TMEM230: variants seen among roughly 807,000 people sequenced by gnomAD.
TMEM230 encodes transmembrane protein 230, also known as UPF0414 transmembrane protein C20orf30.
A neutral mutation model predicts 15.8 loss-of-function variants in TMEM230; 10 were observed. The ratio of observed to expected loss-of-function variants is 0.63; its 90% CI spans 0.39 to 1.07. The LOEUF (loss-of-function observed/expected upper bound fraction) is 1.07, where lower values mean the gene tolerates loss of function less well. Among genes scored for constraint, TMEM230 ranks in the 50% least tolerant of loss-of-function variants. The pLI is 0.01. For synonymous variants in TMEM230, 67 were observed against 76.9 expected, an observed-to-expected ratio of 0.87 and a Z score of 0.68; for missense variants, 165 against 193.3, an observed-to-expected ratio of 0.85 and a Z score of 0.87.
intron 3 of TMEM230, among the ~76,000 whole-genome samples, chr20:5,084,577 C>G (rs1318035851): frequency 6.6e-6 from 1 of 151,982 alleles, no homozygotes; most frequent in Non-Finnish European, 1.5e-5. Context: ...CTCTGTTGCC[C>G]AGGCTGGAGT....
intron 4 of TMEM230, among the ~76,000 whole-genome samples, chr20:5,102,769 T>C (rs1215863978): frequency 6.6e-6 from 1 of 150,706 alleles, no homozygotes; most frequent in Admixed American, 6.6e-5. Flanking sequence ...TCCAAACTGA[T>C]TCTACTAGGC....
downstream of TMEM230, among the ~76,000 whole-genome samples, chr20:5,098,948 C>G (rs2089746736): frequency 6.6e-6 from 1 of 152,050 alleles, no homozygotes; most frequent in Non-Finnish European, 1.5e-5. Context: ...TGAATGTACA[C>G]TCTCCACTCC....
At chr20:5,080,822 G>A (rs963731582) in intron 3 of TMEM230, among the ~76,000 whole-genome samples, 2 of 152,170 alleles carry the variant, frequency 1.3e-5, no homozygotes, top group African/African-American at 4.8e-5. Context: ...TTGTAGGCAT[G>A]AGCCACTGCA....
chr20:5,112,609 C>T, intron 1 of TMEM230: 1 of 1,051,730 alleles, frequency 9.5e-7, no homozygotes. Flanking sequence ...TCGTTGCCAA[C>T]AGGCTTTTTA....
chr20:5,097,970 T>TC (rs1491263467), downstream of TMEM230, among the ~76,000 whole-genome samples: 5 of 15,910 alleles, frequency 3.1e-4, no homozygotes, highest in African/African-American at 1.8e-3. Context: ...TAACTCAGGA[T>TC]TTTTTTTTTT....
At chr20:5,091,002 CTTG>C (rs2089490727) in intron 3 of TMEM230, among the ~76,000 whole-genome samples, 1 of 151,970 alleles carries the variant, frequency 6.6e-6, no homozygotes, top group Non-Finnish European at 1.5e-5. Context: ...CATGATAAGC[CTTG>C]TTGAATTTTT....
chr20:5,108,420 CAA>C (rs556966217), intron 3 of TMEM230, among the ~76,000 whole-genome samples: 62 of 79,774 alleles, frequency 7.8e-4, no homozygotes, highest in East Asian at 1.0e-3. Context: ...ACTCCGTCTC[CAA>C]AAAAAAAAAA....
intron 3 of TMEM230, among the ~76,000 whole-genome samples, chr20:5,076,789 T>G (rs1205415676): frequency 1.3e-5 from 2 of 148,486 alleles, no homozygotes; most frequent in Non-Finnish European, 1.5e-5. Context: ...GCGATTCTCC[T>G]GCCTCAGCCT....
chr20:5,082,652 A>G (rs1390309927), intron 3 of TMEM230, among the ~76,000 whole-genome samples: 1 of 152,046 alleles, frequency 6.6e-6, no homozygotes, highest in Non-Finnish European at 1.5e-5. Context: ...CATGTTGGCC[A>G]GGATGGTCTC....
At chr20:5,073,006 G>C (rs2088878620) in intron 3 of TMEM230, among the ~76,000 whole-genome samples, 1 of 152,060 alleles carries the variant, frequency 6.6e-6, no homozygotes, top group Non-Finnish European at 1.5e-5. Flanking sequence ...TATGAAGGAG[G>C]TGCTTCCAGG....
rs574506028 is a variant in TMEM230, at chr20:5,089,153, T to A, written c.222+17035A>T. Among the ~76,000 whole-genome samples the A allele has an allele frequency of 3.3e-3, 503 of 152,146 alleles. 1 individual carries two copies. Among genetic ancestry groups the A allele is most frequent in the Non-Finnish European group, 4.3e-3 (291 of 67,986 alleles). Reference sequence around the variant, plus strand: ...ACTTTGCAGGGCCGAAGCAGGCAGATCACGAGGTCAGAAGATCAAGACCAT... The same window carrying A: ...ACTTTGCAGGGCCGAAGCAGGCAGAACACGAGGTCAGAAGATCAAGACCAT... On this transcript the variant is annotated intron_variant, in intron 3 of 3. Transcript: ENST00000612323.
In TMEM230 at chr20:5,106,171, C is replaced by T; in HGVS notation, c.411+17G>A. 1 of 1,602,438 alleles carries T rather than the reference C, an allele frequency of 6.2e-7. No individual in the cohort carries two copies. The highest frequency in any genetic ancestry group is 8.5e-7 in the Non-Finnish European group (1 of 1,176,780). ...TTAAAAATCTCACAACTTATTCCCA[C>T]ATGCCCGTCAGCTTACCCCTTTGCT... On this transcript the variant is annotated intron_variant, in intron 4 of 4. Transcript: ENST00000342308.
chr20:5,110,562 G>A (rs1185380579), intron 2 of TMEM230, among the ~76,000 whole-genome samples: 3 of 152,164 alleles, frequency 2.0e-5, no homozygotes, highest in African/African-American at 7.2e-5. Flanking sequence ...TGGGATTACA[G>A]GCCACTGTGC....
chr20:5,070,768 G>T (rs1013820297), intron 3 of TMEM230, among the ~76,000 whole-genome samples: 5 of 152,130 alleles, frequency 3.3e-5, no homozygotes, highest in African/African-American at 1.2e-4. Context: ...CTTGTTGGTT[G>T]GTTCTTTATT....
At chr20:5,100,987 T>A in intron 4 of TMEM230, 56 bp from the exon 4 acceptor site, 1 of 1,600,650 alleles carries the variant, frequency 6.2e-7, no homozygotes, top group Non-Finnish European at 8.5e-7. Flanking sequence ...CATTTTAAAA[T>A]AAAACGTCAC....
At chr20:5,072,646 C>A (rs1321434367) in intron 3 of TMEM230, among the ~76,000 whole-genome samples, 1 of 151,714 alleles carries the variant, frequency 6.6e-6, no homozygotes, top group Non-Finnish European at 1.5e-5. Context: ...GTCGGGAGTT[C>A]GAGACCAGCC....
Position 5,113,005 on chromosome 20 carries a change from G to T in TMEM230, c.24C>A (p.Thr8=), listed in dbSNP as rs2090391598. ...GCCCGCACACCCAGAGCTCGCCCAC[G>T]GTTGGCAGCGCCCAAGGTTGCATGG... The change falls in exon 1 of 5, where the codon ACC becomes ACA. Residue 8 remains threonine, a synonymous_variant. Coordinates refer to ENST00000342308, the MANE Select transcript of TMEM230 (RefSeq NM_001009923.2). 1.9e-6 allele frequency: 3 copies of T among 1,550,094 alleles called. No individual in the cohort carries two copies. Among genetic ancestry groups the T allele is most frequent in the Admixed American group, 3.9e-5 (2 of 51,140 alleles).
At chr20:5,062,951 C>T in the TMEM230 span, among the ~76,000 whole-genome samples, 1 of 152,018 alleles carries the variant, frequency 6.6e-6, no homozygotes, top group South Asian at 2.1e-4. Flanking sequence ...GTATAGTCTC[C>T]AGGGACAGAG....
At chr20:5,067,375 G>A (rs906816970), downstream of TMEM230, 1 of 143,262 alleles carries the variant, frequency 7.0e-6, no homozygotes, top group Non-Finnish European at 1.5e-5. Context: ...CCACGCTGCA[G>A]ATGAATATGC....
Sources: allele counts gnomAD v4.1 joint callset (sites outside exome capture counted in the v4.1 genomes callset), GRCh38; gene constraint gnomAD v4.1.1; transcripts MANE v1.5; gene names NCBI Gene and HGNC (gene_info 2026-07-23, HGNC 2026-07-21).